Variants in DACH2 observed in about 807,000 individuals in gnomAD.
The protein encoded by DACH2 is dachshund homolog 2.
A neutral mutation model predicts 35.8 loss-of-function variants in DACH2; 17 were observed. The observed-to-expected ratio is 0.48, with a 90% CI of 0.33 to 0.71. The LOEUF (loss-of-function observed/expected upper bound fraction) is 0.71, where lower values mean the gene tolerates loss of function less well. Ranked by LOEUF, DACH2 falls within the 30% of genes least tolerant of loss-of-function variation. The pLI is 0.02. For synonymous variants in DACH2, 195 were observed against 177.3 expected, an observed-to-expected ratio of 1.10 and a Z score of -0.79; for missense variants, 469 against 472.7, an observed-to-expected ratio of 0.99 and a Z score of 0.07.
intron 2 of DACH2, among the ~76,000 whole-genome samples, chrX:86,462,922 A>G (rs1019993546): frequency 1.8e-5 from 2 of 111,722 alleles, no homozygotes; most frequent in Non-Finnish European, 3.8e-5. Context: ...ACACTAAGTT[A>G]TAGCAAGGTC....
At chrX:86,191,898 G>A (rs761195412) in intron 1 of DACH2, among the ~76,000 whole-genome samples, 51 of 111,587 alleles carry the variant, frequency 4.6e-4, no homozygotes, top group African/African-American at 1.7e-3. Flanking sequence ...CCGAGATTGC[G>A]CCACTGCACT....
intron 2 of DACH2, among the ~76,000 whole-genome samples, chrX:86,456,338 T>G (rs748209774): frequency 1.8e-5 from 2 of 112,370 alleles, no homozygotes; most frequent in African/African-American, 6.5e-5. Flanking sequence ...TTTCCTGTTT[T>G]CTTAACATAT....
rs1556364388 is a variant in DACH2 at position 86,667,613 on chromosome X, A to AAAGG, written c.772+16447_772+16450dup. 1.7e-4 allele frequency among the ~76,000 whole-genome samples: 16 copies of AAAGG among 95,204 alleles called. 1 individual carries two copies. Among genetic ancestry groups the AAAGG allele is most frequent in the African/African-American group, 5.5e-4 (13 of 23,457 alleles). 82.7% of individuals were successfully genotyped at this position (95,204 alleles called of 115,157 possible). A position where few individuals can be genotyped will look rare whatever the true frequency, so the allele number is the denominator to read the frequency against. On this transcript the variant is annotated intron_variant, in intron 4 of 11. Transcript: ENST00000373125. ...GAAAGAAAGAAAGAAAGAAAGAAAG[A>AAAGG]AAGGCAGGCAGGCCCTGGTCTTAAC...
At chrX:86,642,488 A>G (rs1212816064) in intron 3 of DACH2, among the ~76,000 whole-genome samples, 1 of 111,240 alleles carries the variant, frequency 9.0e-6, no homozygotes, top group Admixed American at 9.5e-5. Flanking sequence ...AGAAACATAG[A>G]CTCCCACAGA....
At chrX:86,457,643 G>C (rs959043859) in intron 2 of DACH2, among the ~76,000 whole-genome samples, 2 of 112,268 alleles carry the variant, frequency 1.8e-5, no homozygotes, top group Non-Finnish European at 3.8e-5. Flanking sequence ...GACAGATAAT[G>C]AACAAGTAAA....
intron 1 of DACH2, among the ~76,000 whole-genome samples, chrX:86,203,395 A>G (rs924820478): frequency 1.1e-4 from 12 of 111,730 alleles, no homozygotes; most frequent in African/African-American, 3.9e-4. Flanking sequence ...AAAAAGTGAA[A>G]TCACTTGTCT....
At chrX:86,785,187 A>C (rs1394130580) in intron 7 of DACH2, among the ~76,000 whole-genome samples, 1 of 111,700 alleles carries the variant, frequency 9.0e-6, no homozygotes, top group East Asian at 2.8e-4. Flanking sequence ...TAGGTAGGGG[A>C]GATGATCATG....
chrX:86,664,077 G>C (rs950877836), intron 4 of DACH2, among the ~76,000 whole-genome samples: 1 of 111,561 alleles, frequency 9.0e-6, no homozygotes, highest in African/African-American at 3.3e-5. Flanking sequence ...TAGAAATAGA[G>C]CACAAATGCT....
At chrX:86,442,829 T>A (rs770503210) in intron 2 of DACH2, among the ~76,000 whole-genome samples, 1 of 108,647 alleles carries the variant, frequency 9.2e-6, no homozygotes, top group South Asian at 3.7e-4. Context: ...CCATCGTGTG[T>A]CCTTGCCACC....
intron 4 of DACH2, among the ~76,000 whole-genome samples, chrX:86,659,379 T>TA (rs1465727410): frequency 1.2e-4 from 13 of 111,305 alleles, no homozygotes; most frequent in African/African-American, 4.2e-4. Flanking sequence ...TCTAGTGAAT[T>TA]ACATTTCTTG....
intron 2 of DACH2, among the ~76,000 whole-genome samples, chrX:86,388,176 A>T (rs1374037558): frequency 8.9e-6 from 1 of 111,867 alleles, no homozygotes; most frequent in Non-Finnish European, 1.9e-5. Flanking sequence ...GGAGCCCTAG[A>T]GTGTTGAGGC....
At chrX:86,212,242 A>G (rs1439334636) in intron 1 of DACH2, among the ~76,000 whole-genome samples, 2 of 111,787 alleles carry the variant, frequency 1.8e-5, no homozygotes, top group African/African-American at 3.2e-5. Context: ...TTATTATACA[A>G]TCCAGAATGT....
Position 86,263,088 on chromosome X carries a change from G to A in DACH2, c.489-113736G>A, listed in dbSNP as rs555999581. On this transcript the variant is annotated intron_variant, in intron 1 of 11. Transcript: ENST00000373125. ...AAAAAAGCATCATAATAATAGACCA[G>A]CTGCTGCAGGACATTATGTAAGGAA... 2.5e-4 allele frequency: 127 copies of A among 510,799 alleles called. No homozygotes were observed. In the South Asian group the frequency reaches 0.012, roughly 49 times the overall value. 42.1% of individuals were successfully genotyped at this position (510,799 alleles called of 1,213,427 possible). A position where few individuals can be genotyped will look rare whatever the true frequency, so the allele number is the denominator to read the frequency against.
chrX:86,713,700 ACT>A (rs1484583679), intron 5 of DACH2, among the ~76,000 whole-genome samples: 1 of 111,406 alleles, frequency 9.0e-6, no homozygotes, highest in African/African-American at 3.3e-5. Flanking sequence ...ATTTTAGTAG[ACT>A]CTGCTCAAAC....
At chrX:86,314,060 C>T (rs1198325122) in intron 1 of DACH2, among the ~76,000 whole-genome samples, 1 of 110,559 alleles carries the variant, frequency 9.0e-6, no homozygotes, top group Non-Finnish European at 1.9e-5. Context: ...TGTGTGTTCT[C>T]ACTGGTCTAC....
At chrX:86,483,554 T>C (rs2037975392) in intron 2 of DACH2, among the ~76,000 whole-genome samples, 1 of 111,311 alleles carries the variant, frequency 9.0e-6, no homozygotes, top group African/African-American at 3.3e-5. Context: ...TGCCAGGCTG[T>C]GTGTGGTGGC....
At chrX:86,439,268 T>C (rs1467629292) in intron 2 of DACH2, among the ~76,000 whole-genome samples, 2 of 111,879 alleles carry the variant, frequency 1.8e-5, no homozygotes, top group African/African-American at 6.5e-5. Flanking sequence ...TACTATCGAG[T>C]TGTTTGAGTT....
rs113609503 is a variant in DACH2, at chrX:86,665,599, C to T, written c.772+14432C>T. On this transcript the variant is annotated intron_variant, in intron 4 of 11. Transcript: ENST00000373125. The stretch of plus-strand genomic sequence containing the variant: ...ATGAAAATCTTCTATTCCATATTAG[C>T]TGCTAATTTATAGCCAACGAAGGAA... Among the ~76,000 whole-genome samples the T allele has an allele frequency of 1.9e-3, 209 of 111,670 alleles. 1 individual carries two copies. Among genetic ancestry groups the T allele is most frequent in the African/African-American group, 6.5e-3 (199 of 30,793 alleles).
chrX:86,254,807 T>TATATATATATATATATAGAG (rs1380613474), intron 1 of DACH2, among the ~76,000 whole-genome samples: 4 of 49,652 alleles, frequency 8.1e-5, no homozygotes, highest in East Asian at 8.3e-4. Flanking sequence ...TATATATATA[T>TATATATATATATATATAGAG]AGAGAGAGAG....
Sources: gnomAD v4.1 joint callset for allele counts (sites outside exome capture counted in the v4.1 genomes callset) on GRCh38, gnomAD v4.1.1 for gene constraint, MANE v1.5 for transcripts, NCBI Gene and HGNC (gene_info 2026-07-23, HGNC 2026-07-21) for gene names.